UNC5D: variants seen among roughly 807,000 people sequenced by gnomAD.
UNC5D encodes netrin receptor UNC5D.
In UNC5D, 39 loss-of-function variants were observed where a neutral mutation model predicts 105.4. The ratio of observed to expected loss-of-function variants is 0.37; its 90% CI spans 0.29 to 0.48. The LOEUF is 0.48. Ranked by LOEUF, UNC5D falls within the 20% of genes least tolerant of loss-of-function variation. The pLI is 0.98. For missense variants in UNC5D, 991 were observed against 1,202.4 expected (o/e 0.82, Z 2.60); for synonymous variants, 452 against 450.4 (o/e 1.00, Z -0.04).
intron 1 of UNC5D, among the ~76,000 whole-genome samples, chr8:35,447,279 A>G (rs1807859643): frequency 6.6e-6 from 1 of 152,084 alleles, no homozygotes; most frequent in Admixed American, 6.6e-5. Flanking sequence ...TTCTTATTGA[A>G]TTGATGTAAT....
chr8:35,649,310 G>C (rs1823261575), intron 4 of UNC5D, among the ~76,000 whole-genome samples: 1 of 152,150 alleles, frequency 6.6e-6, no homozygotes, highest in African/African-American at 2.4e-5. Context: ...TTGGCATCTG[G>C]AGTTCTACTC....
At chr8:35,721,219 C>T (rs1292651103) in intron 8 of UNC5D, among the ~76,000 whole-genome samples, 1 of 151,950 alleles carries the variant, frequency 6.6e-6, no homozygotes, top group Admixed American at 6.6e-5. Context: ...TTGCCATCCT[C>T]CATTTTCACA....
intron 1 of UNC5D, among the ~76,000 whole-genome samples, chr8:35,459,575 TAGAC>T (rs1186403842): frequency 7.2e-5 from 11 of 152,194 alleles, no homozygotes; most frequent in South Asian, 2.1e-4. Context: ...TGGCATGTAT[TAGAC>T]AGGGAAGAAT....
At chr8:35,647,532 A>T (rs944649615) in intron 4 of UNC5D, among the ~76,000 whole-genome samples, 1 of 152,144 alleles carries the variant, frequency 6.6e-6, no homozygotes, top group Non-Finnish European at 1.5e-5. Context: ...TCTTCATGTT[A>T]GGGAATAGGA....
chr8:35,313,315 C>T (rs1429191597), intron 1 of UNC5D, among the ~76,000 whole-genome samples: 4 of 152,152 alleles, frequency 2.6e-5, no homozygotes, highest in African/African-American at 9.7e-5. Context: ...TATCATGATG[C>T]TCTGCTCCTC....
At chr8:35,274,989 G>A (rs928102780) in intron 1 of UNC5D, among the ~76,000 whole-genome samples, 1 of 151,882 alleles carries the variant, frequency 6.6e-6, no homozygotes, top group Non-Finnish European at 1.5e-5. Flanking sequence ...TACTCAGGAG[G>A]CTGAGGCAGG....
intron 14 of UNC5D, 128 bp from the exon 15 acceptor site, chr8:35,766,774 T>C: frequency 8.8e-7 from 1 of 1,135,318 alleles, no homozygotes; most frequent in Non-Finnish European, 1.2e-6. Context: ...CAATTATCTC[T>C]GCTGTGATTG....
Position 35,271,383 on chromosome 8 carries a change from G to GTA in UNC5D, c.103+35497_103+35498dup, listed in dbSNP as rs557807915. ...CACACGTGCACGTGTGTATGTATATGTACACACATGCACGTGTGTATGTAT... is the reference window on the plus strand; with the variant it reads ...CACACGTGCACGTGTGTATGTATATGTATACACACATGCACGTGTGTATGTAT... On this transcript the variant is annotated intron_variant, in intron 1 of 16. Coordinates refer to ENST00000404895, the MANE Select transcript of UNC5D (RefSeq NM_080872.4). 7.4e-3 allele frequency among the ~76,000 whole-genome samples: 576 copies of GTA among 78,256 alleles called. 5 individuals are homozygous for GTA. Among genetic ancestry groups the GTA allele is most frequent in the South Asian group, 0.049 (104 of 2,142 alleles). The allele number at this position is 78,256 out of a possible 152,430, so 51.3% of individuals were successfully genotyped here.
At chr8:35,388,238 C>T (rs892422118) in intron 1 of UNC5D, among the ~76,000 whole-genome samples, 3 of 152,026 alleles carry the variant, frequency 2.0e-5, no homozygotes, top group African/African-American at 7.3e-5. Context: ...GTGGCAGGCA[C>T]CTGTAATCCC....
intron 16 of UNC5D, among the ~76,000 whole-genome samples, chr8:35,784,207 G>A (rs1157189020): frequency 1.3e-5 from 2 of 152,104 alleles, no homozygotes; most frequent in Non-Finnish European, 2.9e-5. Flanking sequence ...GAACTCAGGT[G>A]TATAGAAAGC....
intron 1 of UNC5D, among the ~76,000 whole-genome samples, chr8:35,541,704 A>C (rs532924841): frequency 7.6e-4 from 116 of 152,152 alleles, no homozygotes; most frequent in Non-Finnish European, 1.4e-3. Flanking sequence ...CTTCCAATTT[A>C]AGCATGCTTG....
At chr8:35,387,372 A>AG (rs1364796479) in intron 1 of UNC5D, among the ~76,000 whole-genome samples, 1 of 150,138 alleles carries the variant, frequency 6.7e-6, no homozygotes, top group Admixed American at 6.6e-5. Flanking sequence ...CAAAAAAAAA[A>AG]AAAGAGAAAC....
At chr8:35,309,659 A>AC (rs1227344668) in intron 1 of UNC5D, among the ~76,000 whole-genome samples, 1 of 152,136 alleles carries the variant, frequency 6.6e-6, no homozygotes, top group African/African-American at 2.4e-5. Flanking sequence ...ATTCCTATGA[A>AC]CCATTTCTCT....
At chr8:35,712,597 T>A (rs1322788761) in intron 8 of UNC5D, among the ~76,000 whole-genome samples, 5 of 152,188 alleles carry the variant, frequency 3.3e-5, no homozygotes, top group Non-Finnish European at 7.3e-5. Flanking sequence ...TGAAGAAAAT[T>A]CCATTCTGCA....
chr8:35,303,017 G>A (rs990016734), intron 1 of UNC5D, among the ~76,000 whole-genome samples: 3 of 151,918 alleles, frequency 2.0e-5, no homozygotes, highest in African/African-American at 7.2e-5. Flanking sequence ...AAAAGAAACA[G>A]GGGAAAGTAA....
intron 1 of UNC5D, among the ~76,000 whole-genome samples, chr8:35,431,957 A>G (rs1806670552): frequency 6.6e-6 from 1 of 152,170 alleles, no homozygotes. Flanking sequence ...AGTTACAGTT[A>G]ACTTTAAATT....
chr8:35,242,902 A>T (rs183999934), intron 1 of UNC5D, among the ~76,000 whole-genome samples: 11 of 152,358 alleles, frequency 7.2e-5, no homozygotes, highest in Admixed American at 2.0e-4. Context: ...CTTATTTAGT[A>T]GTTAACATCT....
Position 35,286,968 on chromosome 8 carries a change from T to C in UNC5D, c.103+51081T>C, listed in dbSNP as rs149473566. ...GAGTCCAATCAGCAGCCTCACCTGA[T>C]GGCAAAGTTCAGCTAGTGGTTTCAC... On this transcript the variant is annotated intron_variant, in intron 1 of 16. Coordinates refer to ENST00000404895, the MANE Select transcript of UNC5D (RefSeq NM_080872.4). Among the ~76,000 whole-genome samples, 197 of 152,284 alleles carry C rather than the reference T, an allele frequency of 1.3e-3. 2 individuals carry two copies. In the East Asian group the frequency reaches 0.029, roughly 22 times the overall value.
rs765954185 is a variant in UNC5D, at chr8:35,380,134, AGAGAGACAGACAGAGACCGAGAGG to A, written c.103+144258_103+144281del. On this transcript the variant is annotated intron_variant, in intron 1 of 16. Coordinates refer to ENST00000404895, the MANE Select transcript of UNC5D (RefSeq NM_080872.4). The stretch of plus-strand genomic sequence containing the variant: ...GAGAGAGAGAGAGAGACACCGAGAG[AGAGAGACAGACAGAGACCGAGAGG>A]GAGAGACAGAGACCAAGACGGAGAG... Among the ~76,000 whole-genome samples, 627 of 141,462 alleles carry A rather than the reference AGAGAGACAGACAGAGACCGAGAGG, an allele frequency of 4.4e-3. 1 individual carries two copies. The highest frequency in any genetic ancestry group is 7.2e-3 in the Non-Finnish European group (474 of 65,908). 92.8% of individuals were successfully genotyped at this position (141,462 alleles called of 152,430 possible).
Sources: gnomAD v4.1 joint callset for allele counts (sites outside exome capture counted in the v4.1 genomes callset) on GRCh38, gnomAD v4.1.1 for gene constraint, MANE v1.5 for transcripts, NCBI Gene and HGNC (gene_info 2026-07-23, HGNC 2026-07-21) for gene names.